The following GALNT1 variants were observed in gnomAD, a reference collection of about 807,000 sequenced individuals.
GALNT1 encodes GalNAc transferase 1.
GALNT1 carries 17 observed loss-of-function variants against 65.7 expected under a neutral mutation model. The observed-to-expected ratio is 0.26, with a 90% confidence interval of 0.18 to 0.39. The LOEUF is 0.39. GALNT1 is among the 10% of genes least tolerant of loss of function. The pLI, the probability that GALNT1 is intolerant of heterozygous loss-of-function variation, is 1.00. For synonymous variants in GALNT1, 210 were observed against 219.7 expected, an observed-to-expected ratio of 0.96 and a Z score of 0.39; for missense variants, 460 against 672.8, an observed-to-expected ratio of 0.68 and a Z score of 3.50.
chr18:35,600,296 G>T (rs2143946652), intron 1 of GALNT1, among the ~76,000 whole-genome samples: 1 of 151,964 alleles, frequency 6.6e-6, no homozygotes, highest in Middle Eastern at 3.4e-3. Flanking sequence ...GCTATTGTAG[G>T]ATTGCTTTCT....
At chr18:35,602,856 G>A (rs1486794646) in intron 1 of GALNT1, among the ~76,000 whole-genome samples, 1 of 152,050 alleles carries the variant, frequency 6.6e-6, no homozygotes, top group African/African-American at 2.4e-5. Context: ...GTTGGTCTCT[G>A]GCTTCTCACT....
At position 35,691,354 on chromosome 18, in the gene GALNT1, G is replaced by C. The variant is rs2047959453; in HGVS notation, c.1159+162G>C. 3 of 499,432 alleles carry C rather than the reference G, an allele frequency of 6.0e-6. No homozygotes were observed. In the East Asian group the frequency reaches 9.6e-5, roughly 16 times the overall value. 30.9% of individuals were successfully genotyped at this position (499,432 alleles called of 1,614,324 possible). Reference sequence around the variant, plus strand: ...TGAAATCACACACAGTATAGAAAGTGCTTGGCAGAATGCCTAGAATAATAT... The same window carrying C: ...TGAAATCACACACAGTATAGAAAGTCCTTGGCAGAATGCCTAGAATAATAT... On this transcript the variant is annotated intron_variant, in intron 8 of 11. Coordinates refer to ENST00000269195, the MANE Select transcript of GALNT1 (RefSeq NM_020474.4).
intron 2 of GALNT1, among the ~76,000 whole-genome samples, chr18:35,658,212 T>C (rs1346869415): frequency 1.3e-5 from 2 of 152,176 alleles, no homozygotes; most frequent in East Asian, 3.9e-4. Context: ...TGAGGTTAAA[T>C]GGACTCTGGA....
intron 9 of GALNT1, among the ~76,000 whole-genome samples, chr18:35,699,287 C>T (rs2048115844): frequency 6.6e-6 from 1 of 152,184 alleles, no homozygotes; most frequent in South Asian, 2.1e-4. Context: ...AATATCAGGA[C>T]CATATTGATA....
Position 35,581,789 on chromosome 18 carries a change from C to CA in GALNT1, c.-177_-176insA, listed in dbSNP as rs1159999645. On this transcript the variant is annotated 5_prime_UTR_variant, in exon 1 of 12. Coordinates refer to ENST00000269195, the MANE Select transcript of GALNT1 (RefSeq NM_020474.4). Reference sequence around the variant, plus strand: ...CGGCGGCCCGAGAGTAGCGCGCTGGCCGCGGGACCGGCCGCGACCGCCGCG... The same window carrying CA: ...CGGCGGCCCGAGAGTAGCGCGCTGGCACGCGGGACCGGCCGCGACCGCCGCG... 4.2e-3 allele frequency: 2 copies of CA among 474 alleles called. No homozygotes were observed. The highest frequency in any genetic ancestry group is 0.12 in the Non-Finnish European group (2 of 16). The allele number at this position is 474 out of a possible 1,614,324, so 0.0% of individuals were successfully genotyped here.
chr18:35,612,400 A>G (rs2046728577), intron 1 of GALNT1, among the ~76,000 whole-genome samples: 1 of 152,238 alleles, frequency 6.6e-6, no homozygotes, highest in Non-Finnish European at 1.5e-5. Context: ...AATGTGAAAG[A>G]TAAGTCTGCT....
chr18:35,669,369 C>T (rs2047597706), intron 3 of GALNT1, among the ~76,000 whole-genome samples: 1 of 152,276 alleles, frequency 6.6e-6, no homozygotes, highest in Middle Eastern at 3.4e-3. Context: ...TCAGCATGAT[C>T]TTGATATGAA....
chr18:35,653,802 G>A lies in GALNT1; in HGVS notation c.-103-758G>A, dbSNP rs768497468. Among the ~76,000 whole-genome samples, 43 of 152,276 alleles carry A rather than the reference G, an allele frequency of 2.8e-4. 1 individual carries two copies. Among genetic ancestry groups the A allele is most frequent in the Non-Finnish European group, 5.4e-4 (37 of 68,024 alleles). ...ATAACATAATAAAGGGAGGTAGTAG[G>A]GTGGGAAATGGAAACTAAAAATCAG... On this transcript the variant is annotated intron_variant, in intron 1 of 11. Coordinates refer to ENST00000269195, the MANE Select transcript of GALNT1 (RefSeq NM_020474.4).
At chr18:35,642,302 A>T (rs2047174317) in intron 1 of GALNT1, among the ~76,000 whole-genome samples, 1 of 152,256 alleles carries the variant, frequency 6.6e-6, no homozygotes, top group Non-Finnish European at 1.5e-5. Context: ...AATTGGATGC[A>T]TGGATGGATC....
intron 1 of GALNT1, among the ~76,000 whole-genome samples, chr18:35,582,770 C>G (rs1310259991): frequency 2.0e-5 from 3 of 152,354 alleles, no homozygotes; most frequent in East Asian, 3.9e-4. Context: ...TAAGAAGTTG[C>G]AACTTTTCAG....
At chr18:35,616,105 T>G (rs973214425) in intron 1 of GALNT1, among the ~76,000 whole-genome samples, 2 of 152,154 alleles carry the variant, frequency 1.3e-5, no homozygotes, top group Admixed American at 6.6e-5. Context: ...TACATCAATA[T>G]GGATGAGTCT....
In GALNT1 at chr18:35,683,372, T is replaced by C; in HGVS notation, c.482-19T>C. The C allele has an allele frequency of 6.2e-7, 1 of 1,600,944 alleles. No individual in the cohort carries two copies. The highest frequency in any genetic ancestry group is 1.3e-5 in the African/African-American group (1 of 74,664). The stretch of plus-strand genomic sequence containing the variant: ...CCAGGCCACACTGGTTTGCATGTTT[T>C]CTTTTGTTCATTTTCCAGACTTTTT... On this transcript the variant is annotated intron_variant, in intron 4 of 11. Coordinates refer to ENST00000269195, the MANE Select transcript of GALNT1 (RefSeq NM_020474.4).
intron 1 of GALNT1, among the ~76,000 whole-genome samples, chr18:35,613,039 A>G (rs1179555054): frequency 6.6e-6 from 1 of 152,166 alleles, no homozygotes; most frequent in Non-Finnish European, 1.5e-5. Context: ...GCTCCTCTCC[A>G]CCAGGCACTC....
intron 1 of GALNT1, among the ~76,000 whole-genome samples, chr18:35,629,635 A>G (rs1347839946): frequency 6.6e-6 from 1 of 151,006 alleles, no homozygotes; most frequent in African/African-American, 2.4e-5. Flanking sequence ...AAGACCATCA[A>G]TGCCAGGAAG....
chr18:35,656,245 T>G (rs1242640521), intron 2 of GALNT1, among the ~76,000 whole-genome samples: 2 of 152,224 alleles, frequency 1.3e-5, no homozygotes, highest in Non-Finnish European at 2.9e-5. Context: ...AAGAATAGGC[T>G]CTATAGCATG....
chr18:35,702,521 C>T (rs2048181903), intron 9 of GALNT1, among the ~76,000 whole-genome samples: 1 of 152,102 alleles, frequency 6.6e-6, no homozygotes, highest in South Asian at 2.1e-4. Flanking sequence ...TTAGTCTCTC[C>T]TAAGTCATCA....
chr18:35,656,600 A>G (rs935123047), intron 2 of GALNT1, among the ~76,000 whole-genome samples: 2 of 152,208 alleles, frequency 1.3e-5, no homozygotes, highest in Non-Finnish European at 2.9e-5. Flanking sequence ...GAACGAGTTG[A>G]TAGGAGAACA....
intron 1 of GALNT1, among the ~76,000 whole-genome samples, chr18:35,652,214 T>C (rs1036156060): frequency 6.6e-6 from 1 of 152,200 alleles, no homozygotes; most frequent in Admixed American, 6.5e-5. Flanking sequence ...CTCATTCCCT[T>C]GCGGGGAACA....
intron 1 of GALNT1, among the ~76,000 whole-genome samples, chr18:35,595,425 A>T (rs188265481): frequency 1.8e-4 from 28 of 152,262 alleles, no homozygotes; most frequent in African/African-American, 6.5e-4. Flanking sequence ...TGCAGTACCA[A>T]CTTTTTGAGG....
Sources: allele counts gnomAD v4.1 joint callset (sites outside exome capture counted in the v4.1 genomes callset), GRCh38; gene constraint gnomAD v4.1.1; transcripts MANE v1.5; gene names NCBI Gene and HGNC (gene_info 2026-07-23, HGNC 2026-07-21).